The following AHCYL2 variants were observed in gnomAD, a reference collection of about 807,000 sequenced individuals.
AHCYL2 encodes the protein adenosylhomocysteinase like 2.
In AHCYL2, 28 loss-of-function variants were observed where a neutral mutation model predicts 81.4. The ratio of observed to expected loss-of-function variants is 0.34; its 90% CI spans 0.25 to 0.47. The LOEUF (loss-of-function observed/expected upper bound fraction) is 0.47, where lower values mean the gene tolerates loss of function less well. Ranked by LOEUF, AHCYL2 falls within the 20% of genes least tolerant of loss-of-function variation. The pLI, the probability that AHCYL2 is intolerant of heterozygous loss-of-function variation, is 1.00. For synonymous variants in AHCYL2, 272 were observed against 290.2 expected (o/e 0.94, Z 0.64); for missense variants, 551 against 785.1 (o/e 0.70, Z 3.56).
chr7:129,284,389 G>A (rs765364081), intron 1 of AHCYL2, among the ~76,000 whole-genome samples: 4 of 152,122 alleles, frequency 2.6e-5, no homozygotes, highest in Non-Finnish European at 4.4e-5. Flanking sequence ...CCTAAGGTCA[G>A]GAGTTCAAGA....
intron 1 of AHCYL2, among the ~76,000 whole-genome samples, chr7:129,269,220 T>C (rs1161920745): frequency 6.7e-6 from 1 of 150,314 alleles, no homozygotes; most frequent in Non-Finnish European, 1.5e-5. Context: ...CCTCCCAGGC[T>C]CAAGCCATCC....
chr7:129,398,479 A>G (rs973833803), intron 5 of AHCYL2, among the ~76,000 whole-genome samples: 1 of 151,472 alleles, frequency 6.6e-6, no homozygotes, highest in African/African-American at 2.4e-5. Flanking sequence ...CCCAGGTTCA[A>G]GCGATTCTCC....
intron 1 of AHCYL2, among the ~76,000 whole-genome samples, chr7:129,344,945 A>T (rs999639091): frequency 1.3e-5 from 2 of 152,212 alleles, no homozygotes; most frequent in African/African-American, 4.8e-5. Flanking sequence ...ACCTGAGGTC[A>T]GGAGTTCGAG....
chr7:129,355,637 A>G (rs1793711241), intron 1 of AHCYL2, among the ~76,000 whole-genome samples: 1 of 152,200 alleles, frequency 6.6e-6, no homozygotes, highest in Non-Finnish European at 1.5e-5. Context: ...CACAGACATT[A>G]GCTCATTCAT....
intron 1 of AHCYL2, among the ~76,000 whole-genome samples, chr7:129,379,042 A>C (rs966650512): frequency 6.6e-6 from 1 of 152,110 alleles, no homozygotes; most frequent in Non-Finnish European, 1.5e-5. Flanking sequence ...GCACTTTGGG[A>C]GGCCAAGGTG....
At chr7:129,249,217 C>T (rs1419845003) in intron 1 of AHCYL2, among the ~76,000 whole-genome samples, 1 of 151,808 alleles carries the variant, frequency 6.6e-6, no homozygotes, top group Non-Finnish European at 1.5e-5. Context: ...AGGCTAGTGT[C>T]GAACTCCTAG....
intron 7 of AHCYL2, among the ~76,000 whole-genome samples, chr7:129,404,429 A>C (rs1409744608): frequency 1.3e-5 from 2 of 152,196 alleles, no homozygotes; most frequent in East Asian, 3.8e-4. Context: ...CTGCTTCAAT[A>C]CATTATCATC....
At chr7:129,388,441 A>G (rs189848645) in intron 2 of AHCYL2, among the ~76,000 whole-genome samples, 1 of 152,306 alleles carries the variant, frequency 6.6e-6, no homozygotes, top group East Asian at 1.9e-4. Flanking sequence ...GGGAGTCTAA[A>G]ATGCCTAACG....
chr7:129,381,892 C>T (rs1794971862), intron 2 of AHCYL2, among the ~76,000 whole-genome samples: 1 of 152,130 alleles, frequency 6.6e-6, no homozygotes, highest in Non-Finnish European at 1.5e-5. Context: ...TAAAATGAAA[C>T]CCAAAATGTT....
intron 1 of AHCYL2, among the ~76,000 whole-genome samples, chr7:129,293,357 A>G (rs1044060966): frequency 5.9e-5 from 9 of 152,308 alleles, no homozygotes; most frequent in African/African-American, 1.9e-4. Flanking sequence ...TACCCCTTCA[A>G]CTAATAACCA....
intron 1 of AHCYL2, among the ~76,000 whole-genome samples, chr7:129,226,366 C>T (rs1199739814): frequency 6.6e-6 from 1 of 152,188 alleles, no homozygotes; most frequent in Non-Finnish European, 1.5e-5. Context: ...CTTTCTTTCT[C>T]TCTTAAAGCT....
rs543623295 is a variant in AHCYL2, at chr7:129,334,147, A to C, written c.364-45491A>C. Among the ~76,000 whole-genome samples the C allele has an allele frequency of 1.4e-4, 21 of 152,330 alleles. No homozygotes were observed. The East Asian group carries it at 2.1e-3, about 15-fold the overall frequency. Reference sequence around the variant, plus strand: ...TTAAGCTGTAATTTTACTGACTTTAAGTCTCTTTTGTTAGCAATCCCACTT... The same window carrying C: ...TTAAGCTGTAATTTTACTGACTTTACGTCTCTTTTGTTAGCAATCCCACTT... On this transcript the variant is annotated intron_variant, in intron 1 of 16. Transcript: ENST00000325006.
In AHCYL2 at chr7:129,270,324, T is replaced by C. The variant is rs1001392100; in HGVS notation, c.363+44885T>C. 2.6e-5 allele frequency among the ~76,000 whole-genome samples: 4 copies of C among 152,306 alleles called. No homozygotes were observed. In the East Asian group the frequency reaches 7.7e-4, roughly 29 times the overall value. ...AGATACTCAGTTCCAATGATAAAAA[T>C]AGTATACATTCCCTTTAGTTAGAAT... On this transcript the variant is annotated intron_variant, in intron 1 of 16. Coordinates refer to ENST00000325006, the MANE Select transcript of AHCYL2 (RefSeq NM_015328.4).
chr7:129,229,658 C>T (rs908003380), intron 1 of AHCYL2, among the ~76,000 whole-genome samples: 2 of 152,158 alleles, frequency 1.3e-5, no homozygotes, highest in Non-Finnish European at 2.9e-5. Flanking sequence ...GCGTGTCTGT[C>T]TGGCTAAGGC....
chr7:129,225,908 G>C (rs550120279), intron 1 of AHCYL2, among the ~76,000 whole-genome samples: 3 of 152,316 alleles, frequency 2.0e-5, no homozygotes, highest in African/African-American at 7.2e-5. Flanking sequence ...AGAGTTGTCT[G>C]GTTTCCATAC....
At chr7:129,341,689 G>A (rs1339158523) in intron 1 of AHCYL2, among the ~76,000 whole-genome samples, 1 of 152,146 alleles carries the variant, frequency 6.6e-6, no homozygotes, top group Non-Finnish European at 1.5e-5. Context: ...GGAGGACTGA[G>A]TATGTGTAAG....
chr7:129,316,058 T>G lies in AHCYL2; in HGVS notation c.364-63580T>G, dbSNP rs113179939. On this transcript the variant is annotated intron_variant, in intron 1 of 16. Transcript: ENST00000325006. ...TAACAAACTTGGTTTGGGCTTGAAA[T>G]GTGATCTAGCAGTCAAAGGAAAGCC... Among the ~76,000 whole-genome samples the G allele has an allele frequency of 6.9e-3, 1,056 of 152,226 alleles. 14 individuals carry two copies. The highest frequency in any genetic ancestry group is 0.035 in the South Asian group (167 of 4,832).
intron 1 of AHCYL2, among the ~76,000 whole-genome samples, chr7:129,226,487 GT>G (rs532191163): frequency 1.3e-5 from 2 of 152,020 alleles, no homozygotes; most frequent in Admixed American, 1.3e-4. Flanking sequence ...AGGGATTAAT[GT>G]TTTTTTTAAA....
chr7:129,405,042 A>C, intron 7 of AHCYL2, 55 bp from the exon 8 acceptor site: 1 of 1,180,258 alleles, frequency 8.5e-7, no homozygotes, highest in Non-Finnish European at 1.2e-6. Flanking sequence ...CTATGAAAGC[A>C]ATGGTAGATT....
Sources: allele counts gnomAD v4.1 joint callset (sites outside exome capture counted in the v4.1 genomes callset), GRCh38; gene constraint gnomAD v4.1.1; transcripts MANE v1.5; gene names NCBI Gene and HGNC (gene_info 2026-07-23, HGNC 2026-07-21).